CNTNAP4: variants seen among roughly 807,000 people sequenced by gnomAD.
CNTNAP4 encodes the protein contactin associated protein family member 4, also known as contactin-associated protein-like 4.
CNTNAP4 carries 98 observed loss-of-function variants against 148.4 expected under a neutral mutation model. The ratio of observed to expected loss-of-function variants is 0.66; its 90% CI spans 0.56 to 0.78. CNTNAP4 has a LOEUF of 0.78. Ranked by LOEUF, CNTNAP4 falls within the 30% of genes least tolerant of loss-of-function variation. The pLI is 0.00. For synonymous variants in CNTNAP4, 730 were observed against 565.1 expected (o/e 1.29, Z -4.14); for missense variants, 1,935 against 1,565.6 (o/e 1.24, Z -3.98).
chr16:76,283,397 A>G (rs912841311), intron 1 of CNTNAP4, among the ~76,000 whole-genome samples: 1 of 151,944 alleles, frequency 6.6e-6, no homozygotes, highest in African/African-American at 2.4e-5. Flanking sequence ...TAGCAAAGAC[A>G]TGGAATCAAC....
intron 4 of CNTNAP4, among the ~76,000 whole-genome samples, chr16:76,431,083 G>A (rs1180369893): frequency 6.6e-6 from 1 of 152,130 alleles, no homozygotes; most frequent in Non-Finnish European, 1.5e-5. Context: ...GGGTGTGAGG[G>A]ATAAAGTGAT....
intron 3 of CNTNAP4, among the ~76,000 whole-genome samples, chr16:76,369,962 T>C (rs1372762678): frequency 1.3e-5 from 2 of 152,166 alleles, no homozygotes; most frequent in African/African-American, 4.8e-5. Flanking sequence ...GCAGGTCTCT[T>C]TACTCAGTCT....
chr16:76,517,063 AC>A (rs1232889891), intron 15 of CNTNAP4, among the ~76,000 whole-genome samples: 4 of 152,198 alleles, frequency 2.6e-5, no homozygotes, highest in East Asian at 1.9e-4. Flanking sequence ...TCTGTCAAAA[AC>A]AAAAATGAGT....
At chr16:76,522,330 C>G (rs1054488295) in intron 17 of CNTNAP4, 73 bp downstream of exon 17, 1 of 1,203,190 alleles carries the variant, frequency 8.3e-7, no homozygotes, top group African/African-American at 1.5e-5. Context: ...AAAATAATAC[C>G]AACTATAGAA....
Position 76,538,093 on chromosome 16 carries a change from AAT to A in CNTNAP4, c.2996-10_2996-9del, listed in dbSNP as rs758111435. Reference sequence around the variant, plus strand: ...CCTTGTACTTAAAATTTTTAACAAAAATATATATATATATTATTTCAGAGATT... The same window carrying A: ...CCTTGTACTTAAAATTTTTAACAAAAATATATATATATTATTTCAGAGATT... On this transcript the variant is annotated intron_variant, in intron 18 of 23. Coordinates refer to ENST00000611870, the MANE Select transcript of CNTNAP4 (RefSeq NM_033401.5). The A allele has an allele frequency of 5.1e-3, 5,231 of 1,022,292 alleles. 7 individuals carry two copies. Among genetic ancestry groups the A allele is most frequent in the African/African-American group, 0.019 (1,108 of 58,728 alleles). The allele number at this position is 1,022,292 out of a possible 1,614,324, so 63.3% of individuals were successfully genotyped here.
intron 21 of CNTNAP4, among the ~76,000 whole-genome samples, chr16:76,545,324 G>A (rs1356342001): frequency 6.6e-6 from 1 of 152,084 alleles, no homozygotes. Context: ...GCTTATTCTC[G>A]TAATCATAAT....
chr16:76,427,748 G>A (rs1212435989), intron 4 of CNTNAP4, 149 bp downstream of exon 4: 3 of 616,100 alleles, frequency 4.9e-6, no homozygotes, highest in Non-Finnish European at 8.0e-6. Context: ...GTGCATGCCT[G>A]TACATGCCAA....
chr16:76,283,220 T>G (rs1231395999), intron 1 of CNTNAP4, among the ~76,000 whole-genome samples: 1 of 151,996 alleles, frequency 6.6e-6, no homozygotes, highest in African/African-American at 2.4e-5. Flanking sequence ...ATACTATGTT[T>G]AAAATTTAAA....
At chr16:76,352,574 T>A (rs559056988) in intron 2 of CNTNAP4, among the ~76,000 whole-genome samples, 2 of 152,294 alleles carry the variant, frequency 1.3e-5, no homozygotes, top group South Asian at 2.1e-4. Context: ...AAACTCTTTG[T>A]ATCTGATGCA....
At chr16:76,529,933 C>T (rs193240105) in intron 17 of CNTNAP4, among the ~76,000 whole-genome samples, 163 of 151,672 alleles carry the variant, frequency 1.1e-3, no homozygotes, top group African/African-American at 3.8e-3. Context: ...ACGGCATATG[C>T]ATAGGCTAAG....
intron 20 of CNTNAP4, among the ~76,000 whole-genome samples, chr16:76,540,084 A>G (rs1568569480): frequency 6.6e-6 from 1 of 152,254 alleles, no homozygotes; most frequent in East Asian, 1.9e-4. Flanking sequence ...GTTTCTGCTC[A>G]GAAGGAAAAT....
intron 3 of CNTNAP4, among the ~76,000 whole-genome samples, chr16:76,391,800 G>C (rs1018370418): frequency 1.3e-5 from 2 of 152,150 alleles, no homozygotes; most frequent in African/African-American, 4.8e-5. Flanking sequence ...AAACTTGTTA[G>C]AAATACAGGA....
intron 4 of CNTNAP4, among the ~76,000 whole-genome samples, chr16:76,436,483 T>G (rs1158333124): frequency 1.2e-5 from 1 of 84,332 alleles, no homozygotes; most frequent in Non-Finnish European, 2.2e-5. Context: ...TTCCACAATT[T>G]CAGCTTTCTC....
chr16:76,360,815 A>ATTTTTT (rs397745852), intron 3 of CNTNAP4, among the ~76,000 whole-genome samples: 4 of 122,304 alleles, frequency 3.3e-5, no homozygotes, highest in East Asian at 4.8e-4. Flanking sequence ...ACATGGCTGC[A>ATTTTTT]TTTTTTTTTT....
chr16:76,416,328 C>G (rs1400594405), intron 3 of CNTNAP4, among the ~76,000 whole-genome samples: 1 of 151,258 alleles, frequency 6.6e-6, no homozygotes, highest in Non-Finnish European at 1.5e-5. Flanking sequence ...TCTAAATTCT[C>G]TAATAACCTA....
chr16:76,293,820 T>C (rs1959178553), intron 1 of CNTNAP4, among the ~76,000 whole-genome samples: 1 of 59,870 alleles, frequency 1.7e-5, no homozygotes, highest in South Asian at 3.6e-4. Flanking sequence ...AACAAGCTGC[T>C]TTTTTTTTTT....
At chr16:76,526,772 C>G (rs1327179190) in intron 17 of CNTNAP4, among the ~76,000 whole-genome samples, 1 of 152,116 alleles carries the variant, frequency 6.6e-6, no homozygotes, top group East Asian at 1.9e-4. Context: ...CTCCTGGGCT[C>G]AAGGGATTCT....
chr16:76,464,029 T>C (rs185540791), intron 9 of CNTNAP4, among the ~76,000 whole-genome samples: 24 of 152,290 alleles, frequency 1.6e-4, no homozygotes, highest in Admixed American at 1.5e-3. Flanking sequence ...GGTCATTAAA[T>C]ACAAGCCCTG....
intron 15 of CNTNAP4, among the ~76,000 whole-genome samples, chr16:76,504,184 GATTAT>G (rs2082756045): frequency 1.3e-5 from 2 of 151,972 alleles, no homozygotes; most frequent in Admixed American, 1.3e-4. Flanking sequence ...TACACTACTA[GATTAT>G]AAGACTTACT....
Sources: gnomAD v4.1 joint callset for allele counts (sites outside exome capture counted in the v4.1 genomes callset) on GRCh38, gnomAD v4.1.1 for gene constraint, MANE v1.5 for transcripts, NCBI Gene and HGNC (gene_info 2026-07-23, HGNC 2026-07-21) for gene names.